Variants in NRG3 observed in about 807,000 individuals in gnomAD.
NRG3 encodes pro-neuregulin-3, membrane-bound isoform.
A neutral mutation model predicts 66.9 loss-of-function variants in NRG3; 31 were observed. That is an observed-to-expected ratio of 0.46 (90% CI 0.35 to 0.63). The LOEUF (loss-of-function observed/expected upper bound fraction) is 0.63. Ranked by LOEUF, NRG3 falls within the 20% of genes least tolerant of loss-of-function variation. The probability of loss-of-function intolerance (pLI) is 0.00; values close to 1 mark genes in which losing one functional copy is unlikely to be tolerated. For missense variants in NRG3, 910 were observed against 878.9 expected (o/e 1.04, Z -0.45); for synonymous variants, 393 against 359.4 (o/e 1.09, Z -1.06).
intron 2 of NRG3, among the ~76,000 whole-genome samples, chr10:82,425,438 C>T (rs867433891): frequency 6.6e-6 from 1 of 151,720 alleles, no homozygotes; most frequent in African/African-American, 2.4e-5. Context: ...TCTCTGCTTG[C>T]ATTACCCATC....
At chr10:82,277,049 G>A (rs1426510166) in intron 1 of NRG3, among the ~76,000 whole-genome samples, 1 of 151,860 alleles carries the variant, frequency 6.6e-6, no homozygotes, top group African/African-American at 2.4e-5. Context: ...CAACTGAGAT[G>A]GTTTAAACTT....
intron 2 of NRG3, among the ~76,000 whole-genome samples, chr10:82,526,215 T>G (rs568034856): frequency 6.6e-6 from 1 of 151,858 alleles, no homozygotes; most frequent in South Asian, 2.1e-4. Flanking sequence ...CTTCAGAAAT[T>G]ATGTCACAAA....
At chr10:82,170,067 AT>A (rs2072448449) in intron 1 of NRG3, among the ~76,000 whole-genome samples, 1 of 151,364 alleles carries the variant, frequency 6.6e-6, no homozygotes, top group Admixed American at 6.6e-5. Flanking sequence ...TTGTTCTTTA[AT>A]TCTCTGAACT....
chr10:82,055,246 A>G (rs2063780489), intron 1 of NRG3, among the ~76,000 whole-genome samples: 1 of 152,024 alleles, frequency 6.6e-6, no homozygotes, highest in Non-Finnish European at 1.5e-5. Flanking sequence ...TGGGAGGCCG[A>G]GGCGAGCAGA....
At chr10:82,603,357 G>T (rs1044359944) in intron 2 of NRG3, among the ~76,000 whole-genome samples, 1 of 152,092 alleles carries the variant, frequency 6.6e-6, no homozygotes, top group African/African-American at 2.4e-5. Context: ...CATGAGTAAG[G>T]TTGCTTCTGT....
intron 1 of NRG3, among the ~76,000 whole-genome samples, chr10:82,186,818 T>C (rs1332703319): frequency 6.6e-6 from 1 of 152,204 alleles, no homozygotes; most frequent in Non-Finnish European, 1.5e-5. Flanking sequence ...TCGTAGAAGA[T>C]TCTGAGGCTT....
At chr10:82,011,277 T>C (rs957675585) in intron 1 of NRG3, among the ~76,000 whole-genome samples, 4 of 152,110 alleles carry the variant, frequency 2.6e-5, no homozygotes, top group African/African-American at 7.2e-5. Flanking sequence ...TATAGAAGCA[T>C]CACATCTCAT....
intron 2 of NRG3, among the ~76,000 whole-genome samples, chr10:82,497,868 G>T (rs1483011858): frequency 1.3e-5 from 2 of 152,078 alleles, no homozygotes; most frequent in East Asian, 1.9e-4. Flanking sequence ...CGATAGACAA[G>T]GGTTCCTTTT....
chr10:82,674,747 T>G (rs984668586), intron 2 of NRG3, among the ~76,000 whole-genome samples: 4 of 151,986 alleles, frequency 2.6e-5, no homozygotes, highest in Non-Finnish European at 5.9e-5. Flanking sequence ...AAGTCCCGTT[T>G]TGTTCCCCAC....
intron 2 of NRG3, among the ~76,000 whole-genome samples, chr10:82,397,013 C>T (rs545506826): frequency 6.6e-6 from 1 of 152,288 alleles, no homozygotes; most frequent in Admixed American, 6.5e-5. Context: ...TTCTGTGAGT[C>T]TCCAATGTCA....
intron 1 of NRG3, among the ~76,000 whole-genome samples, chr10:82,226,258 T>C (rs569179312): frequency 1.6e-4 from 25 of 152,306 alleles, no homozygotes; most frequent in Admixed American, 7.2e-4. Flanking sequence ...GGATGACTTA[T>C]TCATTTGTAC....
chr10:82,139,119 A>G (rs1590257040), intron 1 of NRG3, among the ~76,000 whole-genome samples: 1 of 152,174 alleles, frequency 6.6e-6, no homozygotes, highest in East Asian at 1.9e-4. Context: ...GGTGAAATGG[A>G]CATTTACTTT....
At chr10:82,612,802 C>T (rs560600011) in intron 2 of NRG3, among the ~76,000 whole-genome samples, 19 of 152,148 alleles carry the variant, frequency 1.2e-4, no homozygotes, top group African/African-American at 4.6e-4. Flanking sequence ...GTCTACATTT[C>T]TTGTTTTGAG....
chr10:82,719,857 A>G (rs536422304), intron 2 of NRG3, among the ~76,000 whole-genome samples: 2 of 152,308 alleles, frequency 1.3e-5, no homozygotes, highest in African/African-American at 4.8e-5. Context: ...TTTTCTGGGT[A>G]TACCAACTCT....
intron 2 of NRG3, among the ~76,000 whole-genome samples, chr10:82,735,585 G>T (rs1449440505): frequency 1.3e-5 from 2 of 152,134 alleles, no homozygotes; most frequent in East Asian, 1.9e-4. Context: ...CCATAAAAAA[G>T]AATAAGTTCG....
chr10:82,072,115 A>G (rs1469901077), intron 1 of NRG3, among the ~76,000 whole-genome samples: 1 of 152,166 alleles, frequency 6.6e-6, no homozygotes, highest in East Asian at 1.9e-4. Context: ...GGATTATGCT[A>G]GCTTTTGTCT....
intron 1 of NRG3, among the ~76,000 whole-genome samples, chr10:82,073,743 C>T (rs184857637): frequency 1.1e-4 from 17 of 152,122 alleles, no homozygotes; most frequent in Admixed American, 5.2e-4. Context: ...TAATTAATGC[C>T]GCAAATATTG....
chr10:82,717,819 C>T (rs1049774823), intron 2 of NRG3, among the ~76,000 whole-genome samples: 2 of 151,880 alleles, frequency 1.3e-5, no homozygotes, highest in African/African-American at 2.4e-5. Context: ...TGGCAGAGAC[C>T]ATTGTGTTTC....
intron 2 of NRG3, among the ~76,000 whole-genome samples, chr10:82,522,202 C>A (rs1018056852): frequency 6.6e-6 from 1 of 152,048 alleles, no homozygotes; most frequent in African/African-American, 2.4e-5. Flanking sequence ...CGCCACCACA[C>A]CCAGCTGATT....
Sources: gnomAD v4.1 joint callset for allele counts (sites outside exome capture counted in the v4.1 genomes callset) on GRCh38, gnomAD v4.1.1 for gene constraint, MANE v1.5 for transcripts, NCBI Gene and HGNC (gene_info 2026-07-23, HGNC 2026-07-21) for gene names.